Variants in MED13L observed in about 807,000 individuals in gnomAD.
The protein encoded by MED13L is mediator complex subunit 13L, also known as mediator of RNA polymerase II transcription subunit 13-like.
Under a neutral mutation model 220.9 loss-of-function variants are expected in MED13L, and 7 were observed. That is an observed-to-expected ratio of 0.03 (90% CI 0.02 to 0.06). The LOEUF is 0.06. Among genes scored for constraint, MED13L ranks in the 10% least tolerant of loss-of-function variants. MED13L has a pLI of 1.00. For missense variants in MED13L, 1,965 were observed against 2,760.5 expected (o/e 0.71, Z 6.46); for synonymous variants, 1,011 against 1,015.2 (o/e 1.00, Z 0.08).
At chr12:116,044,717 C>T (rs779725932) in intron 4 of MED13L, among the ~76,000 whole-genome samples, 3 of 152,200 alleles carry the variant, frequency 2.0e-5, no homozygotes, top group Non-Finnish European at 2.9e-5. Context: ...GGAAAAGTCA[C>T]ATCAAAGAAA....
chr12:116,139,081 C>T (rs1185461668), intron 2 of MED13L, among the ~76,000 whole-genome samples: 1 of 152,190 alleles, frequency 6.6e-6, no homozygotes, highest in Non-Finnish European at 1.5e-5. Flanking sequence ...AGAGACTGGA[C>T]TGTAGATGAG....
chr12:116,128,556 C>CT (rs755664322), intron 2 of MED13L, among the ~76,000 whole-genome samples: 4 of 152,028 alleles, frequency 2.6e-5, no homozygotes, highest in Non-Finnish European at 5.9e-5. Context: ...AATCAGGCAA[C>CT]TTTAACTTAT....
At chr12:116,008,151 T>G in intron 10 of MED13L, 1 of 498,722 alleles carries the variant, frequency 2.0e-6, no homozygotes, top group Non-Finnish European at 3.4e-6. Flanking sequence ...AGGGCAAAAA[T>G]GTATTAATAT....
chr12:116,226,057 ATCT>A (rs1431376436), intron 2 of MED13L, among the ~76,000 whole-genome samples: 6 of 123,098 alleles, frequency 4.9e-5, no homozygotes, highest in Non-Finnish European at 9.6e-5. Context: ...TCTAATTTTT[ATCT>A]TTTTTTTTTT....
At chr12:116,002,690 G>A (rs946944267) in intron 14 of MED13L, among the ~76,000 whole-genome samples, 1 of 152,104 alleles carries the variant, frequency 6.6e-6, no homozygotes, top group African/African-American at 2.4e-5. Context: ...AATCACTTGT[G>A]CAGCATTTAT....
chr12:116,136,956 C>A (rs1428208255), intron 2 of MED13L, among the ~76,000 whole-genome samples: 2 of 152,076 alleles, frequency 1.3e-5, no homozygotes, highest in Non-Finnish European at 2.9e-5. Flanking sequence ...AAACAGAAGA[C>A]AATTGAGGTA....
intron 2 of MED13L, among the ~76,000 whole-genome samples, chr12:116,173,870 G>T (rs1037843825): frequency 1.3e-5 from 2 of 152,138 alleles, no homozygotes; most frequent in Non-Finnish European, 2.9e-5. Context: ...AGGCCAAGGC[G>T]AGAGGACACC....
At chr12:116,059,146 CA>C (rs1869230146) in intron 4 of MED13L, among the ~76,000 whole-genome samples, 1 of 152,192 alleles carries the variant, frequency 6.6e-6, no homozygotes, top group Admixed American at 6.5e-5. Flanking sequence ...TGGCTCACTG[CA>C]GCCTCAACTT....
intron 1 of MED13L, among the ~76,000 whole-genome samples, chr12:116,250,735 C>A (rs1565949770): frequency 1.4e-5 from 2 of 146,830 alleles, no homozygotes; most frequent in Admixed American, 6.8e-5. Flanking sequence ...TGAGATCGCA[C>A]CACTGCACTC....
At chr12:116,226,551 C>G (rs1305149785) in intron 2 of MED13L, among the ~76,000 whole-genome samples, 1 of 152,140 alleles carries the variant, frequency 6.6e-6, no homozygotes, top group Admixed American at 6.5e-5. Context: ...GCAACAGAAT[C>G]CAATTTCATG....
At chr12:116,171,074 A>C (rs907424640) in intron 2 of MED13L, among the ~76,000 whole-genome samples, 1 of 152,274 alleles carries the variant, frequency 6.6e-6, no homozygotes, top group African/African-American at 2.4e-5. Flanking sequence ...AACAAAGTTG[A>C]AAAAGGCAAA....
intron 2 of MED13L, among the ~76,000 whole-genome samples, chr12:116,111,869 A>G (rs190359437): frequency 6.6e-4 from 101 of 152,314 alleles, no homozygotes; most frequent in African/African-American, 2.4e-3. Flanking sequence ...TTCTATTGAA[A>G]GGTAAAAAGA....
intron 1 of MED13L, among the ~76,000 whole-genome samples, chr12:116,250,776 CAAAA>C (rs772459455): frequency 2.6e-5 from 2 of 76,780 alleles, no homozygotes; most frequent in Admixed American, 1.6e-4. Flanking sequence ...GACTCCTCCT[CAAAA>C]AAAAAAAAAA....
intron 5 of MED13L, among the ~76,000 whole-genome samples, chr12:116,021,913 A>G (rs1880084030): frequency 6.6e-6 from 1 of 152,188 alleles, no homozygotes; most frequent in Non-Finnish European, 1.5e-5. Flanking sequence ...ATATGAATGT[A>G]TCAATTACAT....
At chr12:116,083,496 A>G (rs1349017704) in intron 4 of MED13L, among the ~76,000 whole-genome samples, 1 of 151,998 alleles carries the variant, frequency 6.6e-6, no homozygotes, top group Non-Finnish European at 1.5e-5. Context: ...AAGCAGAAAC[A>G]TAGCATATGG....
chr12:115,987,519 TA>T (rs1346166948), intron 17 of MED13L, among the ~76,000 whole-genome samples: 1 of 152,188 alleles, frequency 6.6e-6, no homozygotes, highest in Non-Finnish European at 1.5e-5. Context: ...TTACTCTATA[TA>T]AAAAAGTTTA....
intron 2 of MED13L, among the ~76,000 whole-genome samples, chr12:116,196,987 AG>A (rs1881669765): frequency 6.6e-6 from 1 of 152,244 alleles, no homozygotes; most frequent in Non-Finnish European, 1.5e-5. Context: ...AAAGATATAT[AG>A]TAGTTTGAAC....
intron 4 of MED13L, among the ~76,000 whole-genome samples, chr12:116,031,414 C>T (rs909419522): frequency 2.0e-5 from 3 of 151,560 alleles, no homozygotes; most frequent in African/African-American, 7.3e-5. Flanking sequence ...CCAGTCTTTA[C>T]TAAAAACACA....
chr12:116,008,374 G>C (rs1393280175), intron 10 of MED13L, 27 bp downstream of exon 10: 2 of 1,587,666 alleles, frequency 1.3e-6, no homozygotes, highest in Non-Finnish European at 1.7e-6. Flanking sequence ...CCGGTGGACG[G>C]GTGGGTGGTG....
Sources: gnomAD v4.1 joint callset for allele counts (sites outside exome capture counted in the v4.1 genomes callset) on GRCh38, gnomAD v4.1.1 for gene constraint, MANE v1.5 for transcripts, NCBI Gene and HGNC (gene_info 2026-07-23, HGNC 2026-07-21) for gene names.